Variants in PPFIA1 observed in about 807,000 individuals in gnomAD.
PPFIA1 encodes PPFI scaffold protein A1.
Under a neutral mutation model 149.9 loss-of-function variants are expected in PPFIA1, and 25 were observed. The observed-to-expected ratio is 0.17, with a 90% CI of 0.12 to 0.23. The LOEUF is 0.23. PPFIA1 is among the 10% of genes least tolerant of loss of function. The pLI, the probability that PPFIA1 is intolerant of heterozygous loss-of-function variation, is 1.00. For missense variants in PPFIA1, 1,362 were observed against 1,506.5 expected (o/e 0.90, Z 1.59); for synonymous variants, 549 against 552.8 (o/e 0.99, Z 0.10).
rs1020695535 is a variant in PPFIA1 at position 70,326,800 on chromosome 11, G to A, written c.912G>A (p.Leu304=). The change falls in exon 7 of 28, where the codon TTG becomes TTA. Residue 304 remains leucine (L), a synonymous_variant. Coordinates refer to ENST00000253925, the MANE Select transcript of PPFIA1 (RefSeq NM_003626.5). ...AATCTGAAGAAATGAACACAAAATT[G>A]CAACGAGATGTCCGTGAAGTGAGCA... ...LIKSEEMNTK[L]QRDVREAMAQ... is the part of the protein sequence containing the mutation. 14 of 1,613,740 alleles carry A rather than the reference G, an allele frequency of 8.7e-6. No homozygotes were observed. The highest frequency in any genetic ancestry group is 1.1e-5 in the Non-Finnish European group (13 of 1,179,726).
chr11:70,372,974 G>A (rs567689117), intron 23 of PPFIA1, among the ~76,000 whole-genome samples: 135 of 152,320 alleles, frequency 8.9e-4, no homozygotes, highest in Non-Finnish European at 1.3e-3. Context: ...AAGGGGTTCA[G>A]GAGAACAGGA....
intron 14 of PPFIA1, among the ~76,000 whole-genome samples, chr11:70,341,631 C>T (rs2055337330): frequency 6.6e-6 from 1 of 152,080 alleles, no homozygotes; most frequent in African/African-American, 2.4e-5. Flanking sequence ...AAAATTGGGG[C>T]ATTTTGCGCA....
In PPFIA1 at chr11:70,374,966, T is replaced by C. The variant is rs759301125; in HGVS notation, c.3188T>C (p.Ile1063Thr). ...NDRVIRWILS[I>T]GLKEYANNLI... ...CGAGTGATTCGCTGGATCCTGTCAA[T>C]TGGCCTTAAAGAATATGCAAACAAT... Residue 1063 changes from isoleucine (I) to threonine (T), a missense_variant, in exon 24 of 28, where the codon ATT (isoleucine) becomes ACT (threonine). Physicochemically the swap from Ile to Thr is moderately conservative, Grantham distance 89. This residue lies in a region of PPFIA1 where 349 missense variants were observed against 373.3 expected (regional missense o/e 0.93). Transcript: ENST00000253925. The C allele has an allele frequency of 9.9e-6, 16 of 1,613,400 alleles. No individual in the cohort carries two copies. The highest frequency in any genetic ancestry group is 1.3e-5 in the Non-Finnish European group (15 of 1,179,834).
chr11:70,355,196 C>T (rs2056292809), intron 17 of PPFIA1, among the ~76,000 whole-genome samples: 1 of 152,232 alleles, frequency 6.6e-6, no homozygotes, highest in African/African-American at 2.4e-5. Flanking sequence ...AGCCACCGCG[C>T]CCGGCCCCTC....
intron 13 of PPFIA1, among the ~76,000 whole-genome samples, chr11:70,338,802 G>A (rs1297643017): frequency 6.6e-6 from 1 of 152,268 alleles, no homozygotes; most frequent in African/African-American, 2.4e-5. Context: ...AGCAGTTGAA[G>A]GCCAGCAGTG....
intron 2 of PPFIA1, among the ~76,000 whole-genome samples, chr11:70,280,897 A>T (rs756155364): frequency 6.6e-6 from 1 of 152,034 alleles, no homozygotes; most frequent in African/African-American, 2.4e-5. Flanking sequence ...TTACTGACCC[A>T]TCTTCCACCT....
intron 11 of PPFIA1, 115 bp downstream of exon 11, chr11:70,335,809 A>C: frequency 5.6e-6 from 7 of 1,246,522 alleles, no homozygotes; most frequent in Non-Finnish European, 7.9e-6. Context: ...CGAAAATGGG[A>C]ATTATTCTTT....
At chr11:70,373,764 CTAAGGATAAAAA>C (rs1565463996) in intron 23 of PPFIA1, 1 of 152,036 alleles carries the variant, frequency 6.6e-6, no homozygotes, top group Non-Finnish European at 1.5e-5. Context: ...AAGAAAGAAA[CTAAGGATAAAAA>C]TATGGTTGGG....
chr11:70,355,701 C>G lies in PPFIA1; in HGVS notation c.2378C>G (p.Ser793Trp), dbSNP rs768532805. ...NPSSSNSSQDSLHKAPKKKGI... is the reference protein window; with the variant it reads ...NPSSSNSSQDWLHKAPKKKGI... ...AGCAGTAGCAACAGTAGCCAGGACT[C>G]GCTCCACAAAGCCCCAAAGAAGAAA... Residue 793 changes from serine to tryptophan, a missense_variant, in exon 18 of 28, where the codon TCG (serine) becomes TGG (tryptophan). Physicochemically the swap from Ser to Trp is radical, Grantham distance 177. Coordinates refer to ENST00000253925, the MANE Select transcript of PPFIA1 (RefSeq NM_003626.5). The G allele has an allele frequency of 1.9e-6, 3 of 1,613,972 alleles. No individual in the cohort carries two copies. Among genetic ancestry groups the G allele is most frequent in the Admixed American group, 1.7e-5 (1 of 59,982 alleles).
intron 2 of PPFIA1, among the ~76,000 whole-genome samples, chr11:70,291,293 C>T (rs2051510092): frequency 6.6e-6 from 1 of 152,244 alleles, no homozygotes; most frequent in African/African-American, 2.4e-5. Flanking sequence ...TGGTATCCTA[C>T]ATACCCTTAA....
chr11:70,296,286 C>T (rs1215610048), intron 2 of PPFIA1, among the ~76,000 whole-genome samples: 7 of 151,992 alleles, frequency 4.6e-5, no homozygotes, highest in Admixed American at 2.6e-4. Context: ...GGGTGGCGGC[C>T]GGGCAGAGGC....
At chr11:70,339,069 T>G in intron 13 of PPFIA1, 102 bp from the exon 14 acceptor site, 2 of 1,403,754 alleles carry the variant, frequency 1.4e-6, no homozygotes, top group Middle Eastern at 2.0e-4. Flanking sequence ...GACCCTTTCC[T>G]GTGTGGAATA....
At chr11:70,362,544 G>T (rs2056714541) in intron 21 of PPFIA1, 56 bp downstream of exon 21, 1 of 1,503,402 alleles carries the variant, frequency 6.7e-7, no homozygotes, top group Non-Finnish European at 9.0e-7. Context: ...CTCTCTGAAG[G>T]TATCACTGCC....
chr11:70,285,636 C>T (rs1565342775), intron 2 of PPFIA1, among the ~76,000 whole-genome samples: 4 of 149,538 alleles, frequency 2.7e-5, no homozygotes, highest in Admixed American at 2.7e-4. Flanking sequence ...GCTGTGATCG[C>T]ACCACTGCAC....
In PPFIA1 at chr11:70,338,405, G is replaced by A. The variant is rs144640710; in HGVS notation, c.1523G>A (p.Arg508Lys). 1.7e-4 allele frequency: 282 copies of A among 1,613,530 alleles called. 1 individual carries two copies. Among genetic ancestry groups the A allele is most frequent in the Admixed American group, 1.5e-3 (93 of 60,018 alleles). ...DQLVLNIEALRAELDHMRLRG... is the reference protein window; with the variant it reads ...DQLVLNIEALKAELDHMRLRG... ...CTTGTCCTAAACATTGAAGCACTGA[G>A]GGCTGAACTAGACCACATGAGACTA... The change falls in exon 13 of 28, where the codon AGG becomes AAG. Residue 508 changes from arginine to lysine, a missense_variant. By Grantham distance (26) the Arg-to-Lys change is conservative. Coordinates refer to ENST00000253925, the MANE Select transcript of PPFIA1 (RefSeq NM_003626.5).
intron 2 of PPFIA1, among the ~76,000 whole-genome samples, chr11:70,306,163 G>A (rs1331595952): frequency 2.0e-5 from 3 of 152,100 alleles, no homozygotes; most frequent in South Asian, 2.1e-4. Flanking sequence ...ACACATGCAC[G>A]CTTACTTGCG....
At chr11:70,275,543 A>C (rs2050332167) in intron 2 of PPFIA1, among the ~76,000 whole-genome samples, 1 of 152,138 alleles carries the variant, frequency 6.6e-6, no homozygotes, top group South Asian at 2.1e-4. Context: ...TCTTCTAAAA[A>C]CTATTTTTTA....
chr11:70,282,672 G>C (rs1302061896), intron 2 of PPFIA1, among the ~76,000 whole-genome samples: 2 of 150,316 alleles, frequency 1.3e-5, no homozygotes, highest in Admixed American at 6.7e-5. Context: ...GGGACTACAG[G>C]TGCCCGCCAC....
intron 21 of PPFIA1, chr11:70,365,425 C>T (rs1477076336): frequency 1.8e-5 from 8 of 456,560 alleles, no homozygotes; most frequent in Admixed American, 4.7e-5. Context: ...CTCGCAGCCA[C>T]GCCGCAAACG....
Sources: gnomAD v4.1 joint callset for allele counts (sites outside exome capture counted in the v4.1 genomes callset) on GRCh38, gnomAD v4.1.1 for gene constraint, gnomAD v4.1.1 regional missense constraint, MANE v1.5 for transcripts, NCBI Gene and HGNC (gene_info 2026-07-23, HGNC 2026-07-21) for gene names.